The following ZNF704 variants were observed in gnomAD, a reference collection of about 807,000 sequenced individuals.
ZNF704 encodes the protein zinc finger protein 704.
ZNF704 carries 10 observed loss-of-function variants against 44.7 expected under a neutral mutation model. That is an observed-to-expected ratio of 0.22 (90% CI 0.14 to 0.38). The LOEUF is 0.38. Among genes scored for constraint, ZNF704 ranks in the 10% least tolerant of loss-of-function variants. The probability of loss-of-function intolerance (pLI) is 1.00; values close to 1 mark genes in which losing one functional copy is unlikely to be tolerated. For synonymous variants in ZNF704, 211 were observed against 207.6 expected, an observed-to-expected ratio of 1.02 and a Z score of -0.14; for missense variants, 390 against 545.5, an observed-to-expected ratio of 0.71 and a Z score of 2.84.
intron 1 of ZNF704, among the ~76,000 whole-genome samples, chr8:80,823,797 C>A (rs1017223565): frequency 2.0e-5 from 3 of 152,174 alleles, no homozygotes; most frequent in African/African-American, 7.2e-5. Flanking sequence ...GCTGGTGATA[C>A]CCAGGCAAAC....
intron 2 of ZNF704, among the ~76,000 whole-genome samples, chr8:80,704,529 T>A (rs1409785103): frequency 6.6e-6 from 1 of 152,184 alleles, no homozygotes; most frequent in Non-Finnish European, 1.5e-5. Flanking sequence ...ATGGTGCCAG[T>A]CACAGGAAAG....
chr8:80,676,893 G>A (rs554907598), intron 4 of ZNF704, among the ~76,000 whole-genome samples: 2 of 152,344 alleles, frequency 1.3e-5, no homozygotes, highest in African/African-American at 4.8e-5. Context: ...GAGCACAGGC[G>A]GTAATGCTCG....
At chr8:80,720,674 CCT>C (rs1296241039) in intron 2 of ZNF704, among the ~76,000 whole-genome samples, 1 of 152,244 alleles carries the variant, frequency 6.6e-6, no homozygotes, top group African/African-American at 2.4e-5. Flanking sequence ...ACAGAAATCT[CCT>C]CTCATTCCCC....
chr8:80,719,912 T>C (rs1311961494), intron 2 of ZNF704, among the ~76,000 whole-genome samples: 1 of 152,210 alleles, frequency 6.6e-6, no homozygotes, highest in Admixed American at 6.5e-5. Flanking sequence ...AAATGGAAAG[T>C]ACCGAGATTG....
chr8:80,770,031 G>A (rs902691744), intron 2 of ZNF704, among the ~76,000 whole-genome samples: 4 of 152,152 alleles, frequency 2.6e-5, no homozygotes, highest in Non-Finnish European at 5.9e-5. Flanking sequence ...CTTGTGCAGG[G>A]AAACTCCCCC....
chr8:80,699,628 C>T (rs1585963959), intron 2 of ZNF704, among the ~76,000 whole-genome samples: 1 of 152,152 alleles, frequency 6.6e-6, no homozygotes, highest in Non-Finnish European at 1.5e-5. Flanking sequence ...AAAATTTCTG[C>T]ACCCCTTCCT....
rs115220336 is a variant in ZNF704, at chr8:80,671,442, A to G, written c.559-839T>C. ...GTGCTCTTATTTATAAAATAGGAAT[A>G]ATAACAGTACCTGTTTCACAGCATT... On this transcript the variant is annotated intron_variant, in intron 4 of 8. Coordinates refer to ENST00000327835, the MANE Select transcript of ZNF704 (RefSeq NM_001033723.3). Among the ~76,000 whole-genome samples the G allele has an allele frequency of 3.0e-3, 452 of 152,358 alleles. 2 individuals carry two copies. Among genetic ancestry groups the G allele is most frequent in the African/African-American group, 0.01 (433 of 41,584 alleles).
rs58120402 is a variant in ZNF704 at position 80,814,771 on chromosome 8, A to C, written c.221+6603T>G. Among the ~76,000 whole-genome samples, 1,137 of 152,266 alleles carry C rather than the reference A, an allele frequency of 7.5e-3. 13 individuals carry two copies. Among genetic ancestry groups the C allele is most frequent in the African/African-American group, 0.025 (1,057 of 41,552 alleles). ...CTTTTTTCTTTTTTTCAGTAGTCTC[A>C]TACTGGTTACAGAGTTTGTGACCTG... On this transcript the variant is annotated intron_variant, in intron 2 of 8. Coordinates refer to ENST00000327835, the MANE Select transcript of ZNF704 (RefSeq NM_001033723.3).
At chr8:80,751,273 T>C (rs1806938598) in intron 2 of ZNF704, among the ~76,000 whole-genome samples, 1 of 152,172 alleles carries the variant, frequency 6.6e-6, no homozygotes, top group Admixed American at 6.5e-5. Flanking sequence ...GCTGGTTCTT[T>C]CCTGGTGTTT....
At chr8:80,844,701 A>G (rs1808739178) in intron 1 of ZNF704, among the ~76,000 whole-genome samples, 1 of 152,214 alleles carries the variant, frequency 6.6e-6, no homozygotes, top group Admixed American at 6.5e-5. Flanking sequence ...TTGGAATGAA[A>G]ATAGTTTTTA....
chr8:80,833,088 C>T (rs1808496126), intron 1 of ZNF704, among the ~76,000 whole-genome samples: 1 of 152,156 alleles, frequency 6.6e-6, no homozygotes, highest in African/African-American at 2.4e-5. Context: ...TGGCTCATGC[C>T]TGTAGTCTCA....
chr8:80,783,635 G>A (rs1263284053), intron 2 of ZNF704, among the ~76,000 whole-genome samples: 1 of 152,036 alleles, frequency 6.6e-6, no homozygotes, highest in Admixed American at 6.6e-5. Flanking sequence ...AAATTGAGAG[G>A]AAAGTACAGA....
At chr8:80,871,045 G>C (rs1188287082) in intron 1 of ZNF704, among the ~76,000 whole-genome samples, 1 of 151,960 alleles carries the variant, frequency 6.6e-6, no homozygotes, top group African/African-American at 2.4e-5. Flanking sequence ...ACAAGTTCTT[G>C]TAGGTTGATC....
intron 1 of ZNF704, among the ~76,000 whole-genome samples, chr8:80,871,639 T>C (rs538470738): frequency 6.6e-6 from 1 of 152,360 alleles, no homozygotes; most frequent in Non-Finnish European, 1.5e-5. Flanking sequence ...TCCACTGCTA[T>C]GTTCTAGAAT....
intron 1 of ZNF704, among the ~76,000 whole-genome samples, chr8:80,870,118 G>A (rs1809226275): frequency 6.6e-6 from 1 of 152,174 alleles, no homozygotes; most frequent in South Asian, 2.1e-4. Flanking sequence ...ACTCTTCACA[G>A]AAAACCTAGT....
At chr8:80,809,889 A>C (rs1047918983) in intron 2 of ZNF704, among the ~76,000 whole-genome samples, 1 of 151,806 alleles carries the variant, frequency 6.6e-6, no homozygotes, top group South Asian at 2.1e-4. Flanking sequence ...CTGAATTCTT[A>C]TTTTTTTTAT....
intron 2 of ZNF704, among the ~76,000 whole-genome samples, chr8:80,808,056 T>C (rs1808019876): frequency 6.6e-6 from 1 of 152,218 alleles, no homozygotes; most frequent in South Asian, 2.1e-4. Flanking sequence ...CTAGTTCCTG[T>C]GTGTCAGAGG....
At chr8:80,753,758 C>T (rs1806988706) in intron 2 of ZNF704, among the ~76,000 whole-genome samples, 1 of 152,194 alleles carries the variant, frequency 6.6e-6, no homozygotes, top group Non-Finnish European at 1.5e-5. Flanking sequence ...CATGCTGGGG[C>T]TGTCAGCTTC....
chr8:80,654,406 C>A (rs1422463757), intron 7 of ZNF704, among the ~76,000 whole-genome samples: 1 of 151,446 alleles, frequency 6.6e-6, no homozygotes, highest in Non-Finnish European at 1.5e-5. Flanking sequence ...AACAGGCAAC[C>A]TACAGAATGG....
Sources: allele counts gnomAD v4.1 joint callset (sites outside exome capture counted in the v4.1 genomes callset), GRCh38; gene constraint gnomAD v4.1.1; transcripts MANE v1.5; gene names NCBI Gene and HGNC (gene_info 2026-07-23, HGNC 2026-07-21).